Variants in ABLIM1 observed in about 807,000 individuals in gnomAD.
The protein encoded by ABLIM1 is actin binding LIM protein 1.
In ABLIM1, 40 loss-of-function variants were observed where a neutral mutation model predicts 107.0. The ratio of observed to expected loss-of-function variants is 0.37; its 90% CI spans 0.29 to 0.49. The LOEUF (loss-of-function observed/expected upper bound fraction) is 0.49. Ranked by LOEUF, ABLIM1 falls within the 20% of genes least tolerant of loss-of-function variation. ABLIM1 has a pLI of 0.97. For synonymous variants in ABLIM1, 357 were observed against 357.3 expected (o/e 1.00, Z 0.01); for missense variants, 857 against 1,008.5 (o/e 0.85, Z 2.04).
chr10:114,643,052 C>G (rs774762861), intron 1 of ABLIM1, among the ~76,000 whole-genome samples: 11 of 152,098 alleles, frequency 7.2e-5, no homozygotes, highest in Non-Finnish European at 1.5e-4. Context: ...CACCGTGAAC[C>G]CTTCTTGGGA....
intron 1 of ABLIM1, among the ~76,000 whole-genome samples, chr10:114,729,850 A>G (rs1425651073): frequency 2.0e-5 from 3 of 152,118 alleles, no homozygotes; most frequent in African/African-American, 7.3e-5. Flanking sequence ...CAGTTTTCTC[A>G]CTCTTTAAGC....
At chr10:114,518,210 T>C (rs1464651978) in intron 6 of ABLIM1, among the ~76,000 whole-genome samples, 4 of 152,134 alleles carry the variant, frequency 2.6e-5, no homozygotes, top group African/African-American at 9.7e-5. Context: ...CTACATCCTA[T>C]ATGAAAAAAT....
intron 6 of ABLIM1, among the ~76,000 whole-genome samples, chr10:114,511,566 A>G (rs1327322625): frequency 1.3e-5 from 2 of 151,836 alleles, no homozygotes; most frequent in Non-Finnish European, 2.9e-5. Context: ...GAGTTTCATC[A>G]TGTTGGCCAG....
chr10:114,618,697 C>T (rs1291894600), intron 1 of ABLIM1, among the ~76,000 whole-genome samples: 2 of 152,250 alleles, frequency 1.3e-5, no homozygotes, highest in South Asian at 2.1e-4. Context: ...AAGGTGCCTT[C>T]CAATCTCGTC....
chr10:114,501,838 C>T (rs1301764383), intron 6 of ABLIM1, among the ~76,000 whole-genome samples: 2 of 152,160 alleles, frequency 1.3e-5, no homozygotes, highest in Non-Finnish European at 2.9e-5. Context: ...ATTGATACAT[C>T]ATTATCATCC....
In ABLIM1 at chr10:114,561,894, A is replaced by T. The variant is rs180781713; in HGVS notation, c.673+9403T>A. 3.3e-5 allele frequency among the ~76,000 whole-genome samples: 5 copies of T among 152,318 alleles called. No individual in the cohort carries two copies. In the East Asian group the frequency reaches 9.6e-4, roughly 29 times the overall value. ...CAGGAATTTTTCTTCCTTTCTTGAA[A>T]CTTAGATAATCCAGGCTCAGGAGGG... is the stretch of plus-strand genomic sequence containing the variant. On this transcript the variant is annotated intron_variant, in intron 4 of 22. Transcript: ENST00000533213.
At chr10:114,639,829 G>T (rs2078656311) in intron 1 of ABLIM1, among the ~76,000 whole-genome samples, 1 of 152,200 alleles carries the variant, frequency 6.6e-6, no homozygotes, top group Non-Finnish European at 1.5e-5. Flanking sequence ...TTGTGTGTTT[G>T]CTATTCCTGC....
chr10:114,533,715 G>A (rs143771047), intron 6 of ABLIM1, among the ~76,000 whole-genome samples: 2,436 of 152,228 alleles, frequency 0.016, 26 homozygotes, highest in Admixed American at 0.026. Flanking sequence ...CCCCCAGGCT[G>A]GAGTGCAGTG....
intron 1 of ABLIM1, among the ~76,000 whole-genome samples, chr10:114,728,010 A>G (rs2081995668): frequency 1.3e-5 from 2 of 152,246 alleles, no homozygotes; most frequent in Admixed American, 6.5e-5. Flanking sequence ...CAAAGAATGA[A>G]CATCCAGAAT....
intron 6 of ABLIM1, among the ~76,000 whole-genome samples, chr10:114,525,229 C>A (rs1367480000): frequency 5.3e-5 from 8 of 152,220 alleles, no homozygotes; most frequent in Middle Eastern, 3.2e-3. Flanking sequence ...GGTTGAGAAA[C>A]CCTGTTCTAC....
intron 1 of ABLIM1, among the ~76,000 whole-genome samples, chr10:114,695,207 G>C (rs2081170229): frequency 6.6e-6 from 1 of 152,200 alleles, no homozygotes; most frequent in Non-Finnish European, 1.5e-5. Flanking sequence ...TTAAGGGACA[G>C]CATAATACTT....
chr10:114,744,024 C>T (rs1341669709), intron 1 of ABLIM1, among the ~76,000 whole-genome samples: 1 of 152,134 alleles, frequency 6.6e-6, no homozygotes, highest in Non-Finnish European at 1.5e-5. Flanking sequence ...GTAATGGCAG[C>T]CTAAGTTGGC....
the ABLIM1 span, among the ~76,000 whole-genome samples, chr10:114,795,150 C>T: frequency 6.6e-6 from 1 of 152,140 alleles, no homozygotes; most frequent in East Asian, 1.9e-4. Context: ...AAGGGTCACA[C>T]AAACATTCTT....
intron 1 of ABLIM1, among the ~76,000 whole-genome samples, chr10:114,646,911 A>G (rs1315546466): frequency 6.6e-6 from 1 of 152,242 alleles, no homozygotes; most frequent in Non-Finnish European, 1.5e-5. Flanking sequence ...AACTTCACTT[A>G]GTATTCCCAT....
At position 114,465,794 on chromosome 10, in the gene ABLIM1, G is replaced by A. The variant is rs771119867; in HGVS notation, c.1345C>T (p.Arg449Trp). 2.4e-5 allele frequency: 38 copies of A among 1,613,938 alleles called. No homozygotes were observed. In the East Asian group the frequency reaches 4.5e-4, roughly 19 times the overall value. Residue 449 changes from arginine to tryptophan, a missense_variant, in exon 12 of 23, where the codon CGG becomes TGG. Around this residue, in one of 5 missense-constraint regions of ABLIM1, gnomAD observed 381 missense variants for 506.9 expected, o/e 0.75. Transcript: ENST00000533213. ...YQDVRDRMIH[R>W]STSQGSINSP... ...TTGATGGAGCCCTGGCTCGTGGACCGATGGATCATCCGATCCCGAACATCC... is the reference window on the plus strand; with the variant it reads ...TTGATGGAGCCCTGGCTCGTGGACCAATGGATCATCCGATCCCGAACATCC...
Position 114,431,909 on chromosome 10 carries a change from C to G in ABLIM1, c.*4351G>C, listed in dbSNP as rs2058893844. The G allele has an allele frequency of 6.6e-6, 1 of 152,112 alleles. No homozygotes were observed. The highest frequency in any genetic ancestry group is 2.4e-5 in the African/African-American group (1 of 41,410). 9.4% of individuals were successfully genotyped at this position (152,112 alleles called of 1,614,324 possible). A position where few individuals can be genotyped will look rare whatever the true frequency, so the allele number is the denominator to read the frequency against. On this transcript the variant is annotated 3_prime_UTR_variant, in exon 23 of 23. Coordinates refer to ENST00000533213, the MANE Select transcript of ABLIM1 (RefSeq NM_002313.7). ...TAAACTTGCCCAAATAAAAACATAA[C>G]AATCCATATGCAAAGCATATCTGCC...
chr10:114,529,168 A>G (rs2065188096), intron 6 of ABLIM1, among the ~76,000 whole-genome samples: 1 of 151,080 alleles, frequency 6.6e-6, no homozygotes, highest in African/African-American at 2.4e-5. Context: ...TTCTGTCGCA[A>G]GGCTGGAGTG....
upstream of ABLIM1, among the ~76,000 whole-genome samples, chr10:114,686,070 C>A (rs2141646584): frequency 6.6e-6 from 1 of 152,254 alleles, no homozygotes; most frequent in South Asian, 2.1e-4. Context: ...CAAGGCAGGA[C>A]AGGGGCAAAG....
At chr10:114,796,075 G>C in the ABLIM1 span, among the ~76,000 whole-genome samples, 19 of 152,154 alleles carry the variant, frequency 1.2e-4, no homozygotes, top group Non-Finnish European at 2.4e-4. Context: ...TGAGAGGCAG[G>C]AGCCCTGTGT....
Sources: allele counts gnomAD v4.1 joint callset (sites outside exome capture counted in the v4.1 genomes callset), GRCh38; gene constraint gnomAD v4.1.1; regional missense constraint gnomAD v4.1.1; transcripts MANE v1.5; gene names NCBI Gene and HGNC (gene_info 2026-07-23, HGNC 2026-07-21).